Variants in RNF217 observed in about 807,000 individuals in gnomAD.
RNF217 encodes the protein ring finger protein 217.
RNF217 carries 31 observed loss-of-function variants against 57.8 expected under a neutral mutation model. The observed-to-expected ratio is 0.54, with a 90% confidence interval of 0.40 to 0.72. RNF217 has a LOEUF of 0.72. RNF217 is among the 30% of genes least tolerant of loss of function. The pLI is 0.00. For missense variants in RNF217, 696 were observed against 708.3 expected (o/e 0.98, Z 0.20); for synonymous variants, 313 against 294.0 (o/e 1.06, Z -0.66).
intron 5 of RNF217, 69 bp from the exon 6 acceptor site, chr6:125,082,795 A>G: frequency 8.0e-7 from 1 of 1,243,636 alleles, no homozygotes; most frequent in Non-Finnish European, 1.2e-6. Context: ...AAATAAACAT[A>G]GACATTTTAA....
At chr6:124,974,584 A>C (rs764224639) in intron 1 of RNF217, among the ~76,000 whole-genome samples, 3 of 152,194 alleles carry the variant, frequency 2.0e-5, no homozygotes, top group Non-Finnish European at 2.9e-5. Context: ...GTATAGCATA[A>C]TTTCCTTTCC....
chr6:125,054,393 A>G (rs1311223665), intron 2 of RNF217, among the ~76,000 whole-genome samples: 1 of 152,186 alleles, frequency 6.6e-6, no homozygotes, highest in East Asian at 1.9e-4. Flanking sequence ...GGCAGGCCTC[A>G]TAGAGAATCA....
At chr6:125,030,276 C>T (rs1786297772) in intron 1 of RNF217, among the ~76,000 whole-genome samples, 1 of 152,122 alleles carries the variant, frequency 6.6e-6, no homozygotes, top group Non-Finnish European at 1.5e-5. Flanking sequence ...TATCATTCTG[C>T]CCCTGGCCCC....
At chr6:125,045,481 C>A in intron 2 of RNF217, 37 bp downstream of exon 2, 1 of 1,520,424 alleles carries the variant, frequency 6.6e-7, no homozygotes. Flanking sequence ...TTAGATGTCA[C>A]ATGGCAGAAG....
intron 1 of RNF217, among the ~76,000 whole-genome samples, chr6:125,013,500 A>G (rs1785495637): frequency 6.6e-6 from 1 of 151,546 alleles, no homozygotes; most frequent in African/African-American, 2.4e-5. Flanking sequence ...GGAGCTTTCC[A>G]GGGAGAAGGT....
chr6:124,965,011 C>G (rs1463024908), intron 1 of RNF217, among the ~76,000 whole-genome samples: 2 of 152,182 alleles, frequency 1.3e-5, no homozygotes, highest in African/African-American at 4.8e-5. Flanking sequence ...GGTACTTTAC[C>G]TAGCAGTTTG....
intron 3 of RNF217, among the ~76,000 whole-genome samples, chr6:125,073,024 G>A (rs573761698): frequency 2.1e-4 from 32 of 152,298 alleles, no homozygotes; most frequent in African/African-American, 5.8e-4. Flanking sequence ...AAAAATTAGC[G>A]CTCTTTCCTT....
chr6:124,964,548 CTA>C (rs1208672877), intron 1 of RNF217, among the ~76,000 whole-genome samples: 1 of 152,150 alleles, frequency 6.6e-6, no homozygotes, highest in Non-Finnish European at 1.5e-5. Flanking sequence ...TGTGATTCCT[CTA>C]TGTTTTTTGG....
intron 1 of RNF217, among the ~76,000 whole-genome samples, chr6:124,998,982 T>A (rs762895116): frequency 2.0e-5 from 3 of 152,220 alleles, no homozygotes; most frequent in Admixed American, 1.3e-4. Flanking sequence ...GTTGCCACTT[T>A]TTGTTTTCAA....
chr6:125,079,159 C>T (rs1788482653), intron 4 of RNF217, among the ~76,000 whole-genome samples: 1 of 152,084 alleles, frequency 6.6e-6, no homozygotes, highest in Non-Finnish European at 1.5e-5. Context: ...AGGTTCTGCT[C>T]ATAAATTATA....
intron 1 of RNF217, among the ~76,000 whole-genome samples, chr6:124,968,884 A>G (rs1783653349): frequency 1.3e-5 from 2 of 152,236 alleles, no homozygotes; most frequent in South Asian, 4.1e-4. Flanking sequence ...TTATTCATTT[A>G]TCAGTGCACT....
At position 125,084,607 on chromosome 6, in the gene RNF217, A is replaced by C. The variant is rs1447038368; in HGVS notation, c.*1670A>C. ...AAGAATATTTTATTTTTTGTTTGAC[A>C]TAAAAAGTGAAGTTGACTTGCGTGA... On this transcript the variant is annotated 3_prime_UTR_variant, in exon 6 of 6. Transcript: ENST00000521654. The C allele has an allele frequency of 6.6e-6, 1 of 151,964 alleles. No homozygotes were observed. The highest frequency in any genetic ancestry group is 6.6e-5 in the Admixed American group (1 of 15,242). The allele number at this position is 151,964 out of a possible 1,614,324, so 9.4% of individuals were successfully genotyped here. A position where few individuals can be genotyped will look rare whatever the true frequency, so the allele number is the denominator to read the frequency against.
At chr6:124,983,684 G>A (rs1784258767) in intron 1 of RNF217, among the ~76,000 whole-genome samples, 1 of 152,130 alleles carries the variant, frequency 6.6e-6, no homozygotes, top group Non-Finnish European at 1.5e-5. Flanking sequence ...TTCAAATGCA[G>A]TATTTTCTTA....
intron 1 of RNF217, among the ~76,000 whole-genome samples, chr6:125,036,905 T>A (rs979566766): frequency 6.7e-6 from 1 of 148,248 alleles, no homozygotes; most frequent in East Asian, 1.9e-4. Flanking sequence ...TTATATATTA[T>A]TTATTATTTA....
chr6:125,063,951 G>C (rs1376601866), intron 3 of RNF217, among the ~76,000 whole-genome samples: 1 of 152,136 alleles, frequency 6.6e-6, no homozygotes, highest in African/African-American at 2.4e-5. Context: ...GGGCAAGAAT[G>C]TATTGATTCA....
chr6:125,031,269 A>G (rs1786347131), intron 1 of RNF217, among the ~76,000 whole-genome samples: 1 of 152,188 alleles, frequency 6.6e-6, no homozygotes, highest in African/African-American at 2.4e-5. Context: ...CATGGCCTGG[A>G]GATATTTTAC....
At chr6:124,971,410 G>C (rs1407135384) in intron 1 of RNF217, 1 of 247,744 alleles carries the variant, frequency 4.0e-6, no homozygotes, top group African/African-American at 2.3e-5. Flanking sequence ...GAGGAATTTG[G>C]CTTAGGAAAG....
rs150536655 is a variant in RNF217, at chr6:125,055,075, C to G, written c.1117-2867C>G. 2.0e-5 allele frequency among the ~76,000 whole-genome samples: 3 copies of G among 152,184 alleles called. No individual in the cohort carries two copies. In the East Asian group the frequency reaches 5.8e-4, roughly 29 times the overall value. Reference sequence around the variant, plus strand: ...GGCCAATTTTGAATATGGTTAAGTTCAAAATGAATGAGGCATCTTCAGAAC... The same window carrying G: ...GGCCAATTTTGAATATGGTTAAGTTGAAAATGAATGAGGCATCTTCAGAAC... On this transcript the variant is annotated intron_variant, in intron 2 of 5. Transcript: ENST00000521654.
chr6:125,054,484 T>C (rs770345660), intron 2 of RNF217, among the ~76,000 whole-genome samples: 12 of 152,198 alleles, frequency 7.9e-5, no homozygotes, highest in South Asian at 4.1e-4. Flanking sequence ...GTGGTCTGCA[T>C]TGTAGTCATT....
Sources: allele counts gnomAD v4.1 joint callset (sites outside exome capture counted in the v4.1 genomes callset), GRCh38; gene constraint gnomAD v4.1.1; transcripts MANE v1.5; gene names NCBI Gene and HGNC (gene_info 2026-07-23, HGNC 2026-07-21).